The following GPRC5C variants were observed in gnomAD, a reference collection of about 807,000 sequenced individuals.
GPRC5C encodes G protein-coupled receptor class C group 5 member C.
In GPRC5C, 22 loss-of-function variants were observed where a neutral mutation model predicts 31.4. The ratio of observed to expected loss-of-function variants is 0.70; its 90% CI spans 0.50 to 1.00. The LOEUF (loss-of-function observed/expected upper bound fraction) is 1.00. Among genes scored for constraint, GPRC5C ranks in the 50% least tolerant of loss-of-function variants. The pLI is 0.00. For missense variants in GPRC5C, 557 were observed against 597.2 expected (o/e 0.93, Z 0.70); for synonymous variants, 249 against 257.5 (o/e 0.97, Z 0.32).
intron 3 of GPRC5C, among the ~76,000 whole-genome samples, chr17:74,444,840 G>A (rs1270172015): frequency 3.9e-5 from 6 of 152,288 alleles, no homozygotes; most frequent in African/African-American, 9.6e-5. Flanking sequence ...TCCCCAGCGC[G>A]TTTGGAGTCT....
At chr17:74,443,456 G>A (rs1409053210) in intron 2 of GPRC5C, 5 of 386,306 alleles carry the variant, frequency 1.3e-5, no homozygotes, top group South Asian at 2.0e-5. Flanking sequence ...CTTGGAAGGC[G>A]GCCGAAGGCC....
intron 1 of GPRC5C, chr17:74,433,646 G>C: frequency 7.3e-7 from 1 of 1,364,474 alleles, no homozygotes; most frequent in Non-Finnish European, 1.0e-6. Flanking sequence ...TTCCCTATAG[G>C]CTCTTGAGTG....
At chr17:74,441,582 T>A (rs144976194) in intron 2 of GPRC5C, among the ~76,000 whole-genome samples, 3 of 152,258 alleles carry the variant, frequency 2.0e-5, no homozygotes, top group African/African-American at 7.2e-5. Context: ...CCCAGCACTT[T>A]GGGAGGCTGA....
downstream of GPRC5C, chr17:74,449,430 G>C: frequency 2.0e-6 from 2 of 1,015,598 alleles, no homozygotes; most frequent in East Asian, 6.0e-5. Flanking sequence ...AGGCTGGACC[G>C]GGCCCAGCAC....
intron 2 of GPRC5C, among the ~76,000 whole-genome samples, chr17:74,442,502 G>T (rs1366425554): frequency 1.3e-5 from 2 of 152,146 alleles, no homozygotes; most frequent in African/African-American, 4.8e-5. Context: ...CATCTGACAT[G>T]ACCTGGAAAT....
chr17:74,444,806 T>G (rs1367298784), intron 3 of GPRC5C, among the ~76,000 whole-genome samples: 1 of 152,178 alleles, frequency 6.6e-6, no homozygotes, highest in Middle Eastern at 3.2e-3. Context: ...CTGAATAGCT[T>G]CCTTCACTGT....
chr17:74,438,192 ACT>A (rs1464247915), intron 1 of GPRC5C, among the ~76,000 whole-genome samples: 11 of 119,182 alleles, frequency 9.2e-5, no homozygotes, highest in Non-Finnish European at 1.8e-4. Context: ...ATGCCACCAC[ACT>A]CTCTGCTAAT....
At chr17:74,434,523 C>T (rs1017862222) in intron 1 of GPRC5C, among the ~76,000 whole-genome samples, 2 of 152,202 alleles carry the variant, frequency 1.3e-5, no homozygotes, top group Non-Finnish European at 2.9e-5. Flanking sequence ...AGTCTTAGTG[C>T]AGGGTCTGGG....
intron 1 of GPRC5C, among the ~76,000 whole-genome samples, chr17:74,438,253 T>TA (rs2055471460): frequency 3.3e-5 from 3 of 90,382 alleles, no homozygotes; most frequent in East Asian, 3.3e-4. Context: ...ATATATATAT[T>TA]TGTTGTTGTT....
chr17:74,438,124 C>T (rs1453429976), intron 1 of GPRC5C, among the ~76,000 whole-genome samples: 2 of 147,838 alleles, frequency 1.4e-5, no homozygotes, highest in East Asian at 3.9e-4. Context: ...AGCCTCGATC[C>T]CCTGGGCTCA....
chr17:74,439,604 A>T, intron 1 of GPRC5C, 141 bp from the exon 2 acceptor site: 1 of 758,558 alleles, frequency 1.3e-6, no homozygotes, highest in South Asian at 1.8e-5. Context: ...GTTCTATGTT[A>T]AGAAGGATTC....
intron 2 of GPRC5C, 182 bp from the exon 3 acceptor site, chr17:74,443,636 G>A (rs1244977385): frequency 2.9e-6 from 2 of 699,606 alleles, no homozygotes; most frequent in African/African-American, 1.8e-5. Context: ...GGCTTGGGAG[G>A]GGGCCCCCGT....
downstream of GPRC5C, among the ~76,000 whole-genome samples, chr17:74,447,896 C>T (rs1233640624): frequency 6.6e-6 from 1 of 152,174 alleles, no homozygotes; most frequent in Non-Finnish European, 1.5e-5. Context: ...GAGATCACAC[C>T]GTGTGATACG....
intron 3 of GPRC5C, chr17:74,446,519 C>T (rs554852588): frequency 4.1e-6 from 1 of 243,708 alleles, no homozygotes. Context: ...AGTAGCAGCT[C>T]TGTGTGGCTG....
At position 74,446,925 on chromosome 17, in the gene GPRC5C, T is replaced by C. The variant is rs557237313; in HGVS notation, c.1223T>C (p.Leu408Pro). The change falls in exon 4 of 4, where the codon CTG (leucine) becomes CCG (proline). Residue 408 changes from leucine (L) to proline (P), a missense_variant. Coordinates refer to ENST00000392627, the MANE Select transcript of GPRC5C (RefSeq NM_022036.4). ...SQVMGSANST[L>P]RAEDMYSAQS... ...GTGATGGGCAGTGCCAACTCGACCC[T>C]GCGGGCTGAAGACATGTACTCGGCC... 2 of 1,614,010 alleles carry C rather than the reference T, an allele frequency of 1.2e-6. No homozygotes were observed. Among genetic ancestry groups the C allele is most frequent in the Admixed American group, 1.7e-5 (1 of 60,006 alleles).
At chr17:74,433,887 T>C (rs1045448347) in intron 1 of GPRC5C, 3 of 798,204 alleles carry the variant, frequency 3.8e-6, no homozygotes, top group Middle Eastern at 2.3e-4. Context: ...AAGGGAGTTT[T>C]GCTCTGGAGA....
intron 2 of GPRC5C, among the ~76,000 whole-genome samples, chr17:74,441,676 T>C (rs144864654): frequency 7.8e-4 from 118 of 152,210 alleles, no homozygotes; most frequent in African/African-American, 2.7e-3. Flanking sequence ...TTTCAAAAAT[T>C]AGCCAGGTGT....
At chr17:74,445,875 A>C (rs1156952276) in intron 3 of GPRC5C, 1 of 151,918 alleles carries the variant, frequency 6.6e-6, no homozygotes, top group African/African-American at 2.4e-5. Flanking sequence ...ACTCCAAATC[A>C]GGGCTGGTTG....
At chr17:74,446,620 CAA>C (rs2144449730) in intron 3 of GPRC5C, 1 of 544,082 alleles carries the variant, frequency 1.8e-6, no homozygotes, top group South Asian at 2.4e-5. Flanking sequence ...CAGCACCATC[CAA>C]GGTCAGCAGG....
Sources: allele counts gnomAD v4.1 joint callset (sites outside exome capture counted in the v4.1 genomes callset), GRCh38; gene constraint gnomAD v4.1.1; transcripts MANE v1.5; gene names NCBI Gene and HGNC (gene_info 2026-07-23, HGNC 2026-07-21).